The following OR2G6 variants were observed in gnomAD, a reference collection of about 807,000 sequenced individuals.
The protein encoded by OR2G6 is olfactory receptor 2G6.
For synonymous variants in OR2G6, 183 were observed against 155.2 expected (o/e 1.18, Z -1.33); for missense variants, 457 against 391.3 (o/e 1.17, Z -1.42).
chr1:248,520,551 T>C (rs1664261839), intron 1 of OR2G6, among the ~76,000 whole-genome samples: 1 of 152,172 alleles, frequency 6.6e-6, no homozygotes, highest in Non-Finnish European at 1.5e-5. Flanking sequence ...CAATATCACT[T>C]TGATAGTAGC....
rs28624677 is a variant in OR2G6 at position 248,526,853 on chromosome 1, G to A, written c.*4256G>A. On this transcript the variant is annotated 3_prime_UTR_variant, in exon 2 of 2. Transcript: ENST00000641804. Reference sequence around the variant, plus strand: ...CTTTTTGATGGGTTTTTTTTTTCTTGTAAATTTGTTTGAGTTCTTTGTAGA... The same window carrying A: ...CTTTTTGATGGGTTTTTTTTTTCTTATAAATTTGTTTGAGTTCTTTGTAGA... 0.63 allele frequency: 95,224 copies of A among 151,318 alleles called. 34,107 individuals are homozygous for A. The highest frequency in any genetic ancestry group is 0.8 in the Non-Finnish European group (54,533 of 67,892). The allele number at this position is 151,318 out of a possible 1,614,324, so 9.4% of individuals were successfully genotyped here. A position where few individuals can be genotyped will look rare whatever the true frequency, so the allele number is the denominator to read the frequency against.
In OR2G6 at chr1:248,522,047, C is replaced by T. The variant is rs761536937; in HGVS notation, c.401C>T (p.Ala134Val). The T allele has an allele frequency of 8.1e-6, 13 of 1,614,054 alleles. No individual in the cohort carries two copies. In the Admixed American group the frequency reaches 1.5e-4, roughly 19 times the overall value. The change falls in exon 2 of 2, where the codon GCC becomes GTC. Residue 134 changes from alanine to valine, a missense_variant. Physicochemically the swap from Ala to Val is moderately conservative, Grantham distance 64. Transcript: ENST00000641804. ...GTCTGCCGGCCACTGCGCTACATAG[C>T]CATTATGCACCCCAGGTTCTGTGCG... Reference protein sequence around the residue: ...AAVCRPLRYIAIMHPRFCASL... With the variant: ...AAVCRPLRYIVIMHPRFCASL...
chr1:248,508,779 C>T (rs1407660293), intron 1 of OR2G6, among the ~76,000 whole-genome samples: 1 of 29,526 alleles, frequency 3.4e-5, no homozygotes. Context: ...CAGTCTTTGG[C>T]AAACACTGAT....
rs28534074 is a variant in OR2G6 at position 248,526,752 on chromosome 1, A to C, written c.*4155A>C. 0.17 allele frequency: 25,105 copies of C among 152,110 alleles called. 2,442 individuals are homozygous for C. Among genetic ancestry groups the C allele is most frequent in the African/African-American group, 0.26 (10,992 of 41,486 alleles). The allele number at this position is 152,110 out of a possible 1,614,324, so 9.4% of individuals were successfully genotyped here. A position where few individuals can be genotyped will look rare whatever the true frequency, so the allele number is the denominator to read the frequency against. Reference sequence around the variant, plus strand: ...ATTTGCATTTCTCTGATGGCCAGTGATAATGAGCATTTTTTCATGTGGCTG... The same window carrying C: ...ATTTGCATTTCTCTGATGGCCAGTGCTAATGAGCATTTTTTCATGTGGCTG... On this transcript the variant is annotated 3_prime_UTR_variant, in exon 2 of 2. Coordinates refer to ENST00000641804, the MANE Select transcript of OR2G6 (RefSeq NM_001013355.2).
At position 248,525,028 on chromosome 1, in the gene OR2G6, A is replaced by G. The variant is rs772501209; in HGVS notation, c.*2431A>G. On this transcript the variant is annotated 3_prime_UTR_variant, in exon 2 of 2. Transcript: ENST00000641804. ...ATATGGATATGTTTATACTGCTTTT[A>G]TAATCATCATACATGTATAATTTCA... The G allele has an allele frequency of 2.0e-5, 3 of 152,132 alleles. No individual in the cohort carries two copies. The highest frequency in any genetic ancestry group is 4.8e-5 in the African/African-American group (2 of 41,414). 9.4% of individuals were successfully genotyped at this position (152,132 alleles called of 1,614,324 possible).
intron 1 of OR2G6, among the ~76,000 whole-genome samples, chr1:248,510,528 CATCTT>C (rs1664220771): frequency 1.5e-5 from 1 of 67,600 alleles, no homozygotes; most frequent in Admixed American, 1.7e-4. Context: ...CAAAATGTCT[CATCTT>C]ATTAATATGA....
chr1:248,521,246 A>G (rs1376210733), intron 1 of OR2G6, among the ~76,000 whole-genome samples: 2 of 152,070 alleles, frequency 1.3e-5, no homozygotes, highest in Non-Finnish European at 2.9e-5. Context: ...TTGTATACAT[A>G]TAACAAAATA....
Position 248,526,333 on chromosome 1 carries a change from A to G in OR2G6, c.*3736A>G, listed in dbSNP as rs1659096876. The G allele has an allele frequency of 6.6e-6, 1 of 152,218 alleles. No individual in the cohort carries two copies. Among genetic ancestry groups the G allele is most frequent in the African/African-American group, 2.4e-5 (1 of 41,460 alleles). The allele number at this position is 152,218 out of a possible 1,614,324, so 9.4% of individuals were successfully genotyped here. Reference sequence around the variant, plus strand: ...TATTTACAGCCAACTGATTTTTGACAAAGGTGCCAAGAACATACACTGGGG... The same window carrying G: ...TATTTACAGCCAACTGATTTTTGACGAAGGTGCCAAGAACATACACTGGGG... On this transcript the variant is annotated 3_prime_UTR_variant, in exon 2 of 2. Transcript: ENST00000641804.
chr1:248,519,936 T>A (rs1303810588), intron 1 of OR2G6, among the ~76,000 whole-genome samples: 4 of 150,918 alleles, frequency 2.7e-5, no homozygotes, highest in Admixed American at 2.0e-4. Flanking sequence ...GGCATATATA[T>A]CCAAAGGATT....
rs769554065 is a variant in OR2G6 at position 248,521,748 on chromosome 1, C to G, written c.102C>G (p.Phe34Leu). ...ERFLFAIILY[F>L]YVLSLLGNTA... The stretch of plus-strand genomic sequence containing the variant: ...TTCTTTTTGCCATCATTTTGTACTT[C>G]TACGTCTTGAGCCTTCTGGGGAACA... Residue 34 changes from phenylalanine to leucine, a missense_variant, in exon 2 of 2, where the codon TTC becomes TTG. Transcript: ENST00000641804. The G allele has an allele frequency of 4.5e-5, 73 of 1,614,016 alleles. 1 individual carries two copies. The highest frequency in any genetic ancestry group is 2.3e-5 in the Non-Finnish European group (27 of 1,180,004).
chr1:248,522,600 AACAC>A lies in OR2G6; in HGVS notation c.*4_*7del, dbSNP rs1252615523. On this transcript the variant is annotated 3_prime_UTR_variant, in exon 2 of 2. Transcript: ENST00000641804. ...CTGGACAAAGCCACAAGGACTAGGAAACACCTGGAATTCTAAACAAGGGAAACAC... is the reference window on the plus strand; with the variant it reads ...CTGGACAAAGCCACAAGGACTAGGAACTGGAATTCTAAACAAGGGAAACAC... 1 of 1,584,222 alleles carries A rather than the reference AACAC, an allele frequency of 6.3e-7. No individual in the cohort carries two copies. The highest frequency in any genetic ancestry group is 8.6e-7 in the Non-Finnish European group (1 of 1,164,828).
chr1:248,520,376 T>C (rs1296896358), intron 1 of OR2G6, among the ~76,000 whole-genome samples: 1 of 152,178 alleles, frequency 6.6e-6, no homozygotes, highest in Non-Finnish European at 1.5e-5. Flanking sequence ...TGTATACTTA[T>C]GTAACGTGCA....
Position 248,521,664 on chromosome 1 carries a change from CA to C in OR2G6, c.19del (p.Ser7AlafsTer17). ...CAGGAAAAATGGAGGAAACCAACAACAGCTCTGAAAAGGGATTTCTTCTCCT... is the reference window on the plus strand; with the variant it reads ...CAGGAAAAATGGAGGAAACCAACAACGCTCTGAAAAGGGATTTCTTCTCCT... MEETNN[S>X]SEKGFLLLGF... On this transcript the variant is annotated frameshift_variant, in exon 2 of 2. Transcript: ENST00000641804. LOFTEE classifies it low-confidence loss of function (END_TRUNC). 1 of 1,613,132 alleles carries C rather than the reference CA, an allele frequency of 6.2e-7. No homozygotes were observed.
In OR2G6 at chr1:248,522,283, C is replaced by T. The variant is rs1664307452; in HGVS notation, c.637C>T (p.Leu213Phe). The T allele has an allele frequency of 6.2e-7, 1 of 1,614,160 alleles. No individual in the cohort carries two copies. Among genetic ancestry groups the T allele is most frequent in the East Asian group, 2.2e-5 (1 of 44,880 alleles). ...SVVFLIVPVL[L>F]ILVSYGFITQ... ...AGTCTTTCTAATTGTCCCGGTGTTA[C>T]TCATCTTAGTCTCCTATGGCTTTAT... The change falls in exon 2 of 2, where the codon CTC (leucine) becomes TTC (phenylalanine). Residue 213 changes from leucine (L) to phenylalanine (F), a missense_variant. Transcript: ENST00000641804.
rs1397082507 is a variant in OR2G6, at chr1:248,523,547, A to AC, written c.*951dup. 1.3e-5 allele frequency: 2 copies of AC among 152,178 alleles called. No individual in the cohort carries two copies. Among genetic ancestry groups the AC allele is most frequent in the South Asian group, 2.1e-4 (1 of 4,822 alleles). 9.4% of individuals were successfully genotyped at this position (152,178 alleles called of 1,614,324 possible). A position where few individuals can be genotyped will look rare whatever the true frequency, so the allele number is the denominator to read the frequency against. On this transcript the variant is annotated 3_prime_UTR_variant, in exon 2 of 2. Coordinates refer to ENST00000641804, the MANE Select transcript of OR2G6 (RefSeq NM_001013355.2). The stretch of plus-strand genomic sequence containing the variant: ...AAAATTTGAAATATGAATCCCACAC[A>AC]CTGTCTCACGTTAACGATCATAGTT...
rs1379059532 is a variant in OR2G6 at position 248,525,601 on chromosome 1, C to T, written c.*3004C>T. On this transcript the variant is annotated 3_prime_UTR_variant, in exon 2 of 2. Coordinates refer to ENST00000641804, the MANE Select transcript of OR2G6 (RefSeq NM_001013355.2). The stretch of plus-strand genomic sequence containing the variant: ...CAAATGGTCAGTAAAAAGACAAGTA[C>T]CAGCTACTACAAAAAAACACCAAAA... 5 of 151,998 alleles carry T rather than the reference C, an allele frequency of 3.3e-5. No individual in the cohort carries two copies. The highest frequency in any genetic ancestry group is 1.2e-4 in the African/African-American group (5 of 41,374). The allele number at this position is 151,998 out of a possible 1,614,324, so 9.4% of individuals were successfully genotyped here. A position where few individuals can be genotyped will look rare whatever the true frequency, so the allele number is the denominator to read the frequency against.
chr1:248,521,117 T>A (rs1293361413), intron 1 of OR2G6, among the ~76,000 whole-genome samples: 1 of 150,386 alleles, frequency 6.6e-6, no homozygotes, highest in Non-Finnish European at 1.5e-5. Context: ...CAGCTACTCT[T>A]GAGGCTGAGG....
At position 248,522,698 on chromosome 1, in the gene OR2G6, G is replaced by A; in HGVS notation, c.*101G>A. 2 of 724,932 alleles carry A rather than the reference G, an allele frequency of 2.8e-6. No homozygotes were observed. The highest frequency in any genetic ancestry group is 1.9e-5 in the South Asian group (1 of 51,776). 44.9% of individuals were successfully genotyped at this position (724,932 alleles called of 1,614,324 possible). A position where few individuals can be genotyped will look rare whatever the true frequency, so the allele number is the denominator to read the frequency against. On this transcript the variant is annotated 3_prime_UTR_variant, in exon 2 of 2. Coordinates refer to ENST00000641804, the MANE Select transcript of OR2G6 (RefSeq NM_001013355.2). ...GTCAATCCCAAAGCCACAGGGACTA[G>A]GAAGCATTGGAATTCTAAAGAAGGG...
chr1:248,521,596 A>ATATT lies in OR2G6; in HGVS notation c.-36-14_-36-11dup. 1 of 1,318,804 alleles carries ATATT rather than the reference A, an allele frequency of 7.6e-7. No individual in the cohort carries two copies. Among genetic ancestry groups the ATATT allele is most frequent in the Non-Finnish European group, 1.1e-6 (1 of 936,630 alleles). The allele number at this position is 1,318,804 out of a possible 1,614,324, so 81.7% of individuals were successfully genotyped here. A position where few individuals can be genotyped will look rare whatever the true frequency, so the allele number is the denominator to read the frequency against. On this transcript the variant is annotated splice_polypyrimidine_tract_variant and intron_variant, in intron 1 of 1. Transcript: ENST00000641804. Reference sequence around the variant, plus strand: ...TGACCTCATTACTTTCTATCCCCAAATATTAATCACTTAGTATTTGAAGCT... The same window carrying ATATT: ...TGACCTCATTACTTTCTATCCCCAAATATTTATTAATCACTTAGTATTTGAAGCT...
Sources: gnomAD v4.1 joint callset for allele counts (sites outside exome capture counted in the v4.1 genomes callset) on GRCh38, gnomAD v4.1.1 for gene constraint, MANE v1.5 for transcripts, NCBI Gene and HGNC (gene_info 2026-07-23, HGNC 2026-07-21) for gene names.